CABIN1: variants seen among roughly 807,000 people sequenced by gnomAD.
CABIN1 encodes calcineurin-binding protein cabin-1.
CABIN1 carries 133 observed loss-of-function variants against 227.7 expected under a neutral mutation model. That is an observed-to-expected ratio of 0.58 (90% confidence interval 0.51 to 0.67). The LOEUF is 0.67. Among genes scored for constraint, CABIN1 ranks in the 30% least tolerant of loss-of-function variants. The probability of loss-of-function intolerance (pLI) is 0.00; values close to 1 mark genes in which losing one functional copy is unlikely to be tolerated. For missense variants in CABIN1, 2,408 were observed against 2,852.5 expected, an observed-to-expected ratio of 0.84 and a Z score of 3.55; for synonymous variants, 1,086 against 1,155.1, an observed-to-expected ratio of 0.94 and a Z score of 1.21.
chr22:24,156,422 C>T (rs931442924), intron 29 of CABIN1: 6 of 238,432 alleles, frequency 2.5e-5, no homozygotes, highest in Admixed American at 1.1e-4. Flanking sequence ...GCTGGTGAAG[C>T]CCGCACACGC....
At position 24,119,965 on chromosome 22, in the gene CABIN1, G is replaced by A. The variant is rs578000285; in HGVS notation, c.4632+267G>A. On this transcript the variant is annotated intron_variant, in intron 28 of 36. Coordinates refer to ENST00000263119, the MANE Select transcript of CABIN1 (RefSeq NM_012295.4). Reference sequence around the variant, plus strand: ...GTCTCAGGGATAGGCTATGGGGTGAGGGATAAGGGTCCATAGGCTCAACTA... The same window carrying A: ...GTCTCAGGGATAGGCTATGGGGTGAAGGATAAGGGTCCATAGGCTCAACTA... Among the ~76,000 whole-genome samples the A allele has an allele frequency of 6.1e-3, 936 of 152,248 alleles. 12 individuals carry two copies. Among genetic ancestry groups the A allele is most frequent in the African/African-American group, 0.022 (901 of 41,534 alleles).
intron 10 of CABIN1, chr22:24,056,672 T>C (rs2038822154): frequency 5.4e-6 from 2 of 372,924 alleles, no homozygotes; most frequent in African/African-American, 2.1e-5. Context: ...AGAGGGGTGC[T>C]GTGCCTTGGG....
intron 29 of CABIN1, among the ~76,000 whole-genome samples, chr22:24,157,040 C>G (rs760447662): frequency 6.6e-6 from 1 of 151,816 alleles, no homozygotes; most frequent in Admixed American, 6.6e-5. Flanking sequence ...TCAGTAGCCC[C>G]GCCTGGAGAG....
chr22:24,162,694 G>A (rs1394144990), intron 29 of CABIN1, among the ~76,000 whole-genome samples: 2 of 152,234 alleles, frequency 1.3e-5, no homozygotes, highest in Non-Finnish European at 2.9e-5. Context: ...GGGTGGCCAA[G>A]CGGGCGGCGG....
rs148779163 is a variant in CABIN1 at position 24,077,106 on chromosome 22, T to C, written c.2748+822T>C. Among the ~76,000 whole-genome samples the C allele has an allele frequency of 8.7e-3, 1,330 of 152,296 alleles. 21 individuals are homozygous for C. Among genetic ancestry groups the C allele is most frequent in the African/African-American group, 0.03 (1,246 of 41,544 alleles). On this transcript the variant is annotated intron_variant, in intron 19 of 36. Coordinates refer to ENST00000263119, the MANE Select transcript of CABIN1 (RefSeq NM_012295.4). ...GTATCTGGCCCTTTAAGAAAACGTT[T>C]GCCATCACCTGCTCTATACCTTCTC...
chr22:24,111,119 A>T (rs1284388544), intron 26 of CABIN1, among the ~76,000 whole-genome samples: 1 of 152,156 alleles, frequency 6.6e-6, no homozygotes, highest in African/African-American at 2.4e-5. Context: ...ATGCTCCTCA[A>T]CTTACAATGG....
At chr22:24,115,085 C>G (rs1453903266) in intron 27 of CABIN1, among the ~76,000 whole-genome samples, 2 of 152,230 alleles carry the variant, frequency 1.3e-5, no homozygotes, top group Non-Finnish European at 2.9e-5. Flanking sequence ...AACTTACACT[C>G]TTAACACTAT....
intron 29 of CABIN1, among the ~76,000 whole-genome samples, chr22:24,135,706 T>C (rs1481905083): frequency 1.3e-5 from 2 of 152,236 alleles, no homozygotes; most frequent in Non-Finnish European, 2.9e-5. Context: ...CTCTGAGCTT[T>C]GGTTTCTTCT....
intron 26 of CABIN1, among the ~76,000 whole-genome samples, chr22:24,107,428 G>A (rs2042576789): frequency 6.6e-6 from 1 of 152,224 alleles, no homozygotes; most frequent in Non-Finnish European, 1.5e-5. Context: ...GCCTGGCAAA[G>A]TGTAGTCAGC....
chr22:24,168,274 C>T (rs550638512), intron 32 of CABIN1, among the ~76,000 whole-genome samples, 173 bp from the exon 33 acceptor site: 8 of 152,354 alleles, frequency 5.3e-5, no homozygotes, highest in African/African-American at 1.9e-4. Context: ...GGTCTAGATG[C>T]GGACAGCAGT....
At chr22:24,021,728 CAG>C (rs1160639729) in intron 1 of CABIN1, among the ~76,000 whole-genome samples, 1 of 152,108 alleles carries the variant, frequency 6.6e-6, no homozygotes, top group Non-Finnish European at 1.5e-5. Flanking sequence ...GTTTTGGAGA[CAG>C]AGCCTCACTC....
chr22:24,122,590 C>T (rs767857956), intron 28 of CABIN1, among the ~76,000 whole-genome samples: 1 of 152,038 alleles, frequency 6.6e-6, no homozygotes, highest in Non-Finnish European at 1.5e-5. Context: ...CACCTGTAAT[C>T]CCAGTTAATC....
chr22:24,168,348 C>A, intron 32 of CABIN1, 99 bp from the exon 33 acceptor site: 1 of 1,212,680 alleles, frequency 8.2e-7, no homozygotes, highest in South Asian at 1.3e-5. Flanking sequence ...CAGGGCATGC[C>A]CCCTACCTAG....
At chr22:24,082,083 C>CTA (rs1485417323) in intron 19 of CABIN1, among the ~76,000 whole-genome samples, 1 of 142,388 alleles carries the variant, frequency 7.0e-6, no homozygotes, top group African/African-American at 2.6e-5. Context: ...TTTATTCTCT[C>CTA]TCTTTTTTTT....
At chr22:24,135,797 T>A (rs1252740543) in intron 29 of CABIN1, among the ~76,000 whole-genome samples, 1 of 152,192 alleles carries the variant, frequency 6.6e-6, no homozygotes, top group Non-Finnish European at 1.5e-5. Flanking sequence ...AGAGCAGGTT[T>A]CAGGTCTGGA....
chr22:24,149,079 G>A (rs1226560594), intron 29 of CABIN1, among the ~76,000 whole-genome samples: 1 of 152,226 alleles, frequency 6.6e-6, no homozygotes, highest in Non-Finnish European at 1.5e-5. Context: ...CAAAAGCAGA[G>A]CTTGGTGCCT....
At chr22:24,155,119 A>T (rs913173091) in intron 29 of CABIN1, among the ~76,000 whole-genome samples, 1 of 152,118 alleles carries the variant, frequency 6.6e-6, no homozygotes, top group Non-Finnish European at 1.5e-5. Flanking sequence ...GCCTCCCCTC[A>T]GCTGGAGTGG....
chr22:24,062,970 A>T lies in CABIN1; in HGVS notation c.1708A>T (p.Asn570Tyr). ...CTGATGGTTTTTAGTGTCTCCTCGGAACTGCCCTGCTGGTATGGTGAATGG... is the reference window on the plus strand; with the variant it reads ...CTGATGGTTTTTAGTGTCTCCTCGGTACTGCCCTGCTGGTATGGTGAATGG... Reference protein sequence around the residue: ...KGRSSAVSPRNCPAGMVNGRF... With the variant: ...KGRSSAVSPRYCPAGMVNGRF... Residue 570 changes from asparagine (N) to tyrosine (Y), a missense_variant, in exon 14 of 37, where the codon AAC becomes TAC. Transcript: ENST00000263119. 1.2e-6 allele frequency: 2 copies of T among 1,614,140 alleles called. No individual in the cohort carries two copies. The highest frequency in any genetic ancestry group is 1.7e-6 in the Non-Finnish European group (2 of 1,180,004).
At chr22:24,158,391 G>C (rs145656952) in intron 29 of CABIN1, among the ~76,000 whole-genome samples, 1 of 152,210 alleles carries the variant, frequency 6.6e-6, no homozygotes, top group Admixed American at 6.5e-5. Flanking sequence ...GTTCAGCCCA[G>C]CATTCTTCAT....
Sources: allele counts gnomAD v4.1 joint callset (sites outside exome capture counted in the v4.1 genomes callset), GRCh38; gene constraint gnomAD v4.1.1; transcripts MANE v1.5; gene names NCBI Gene and HGNC (gene_info 2026-07-23, HGNC 2026-07-21).